Variants in TMEM132D observed in about 807,000 individuals in gnomAD.
TMEM132D encodes mature OL transmembrane protein.
A neutral mutation model predicts 62.3 loss-of-function variants in TMEM132D; 21 were observed. That is an observed-to-expected ratio of 0.34 (90% CI 0.24 to 0.49). The LOEUF (loss-of-function observed/expected upper bound fraction) is 0.49, where lower values mean the gene tolerates loss of function less well. Ranked by LOEUF, TMEM132D falls within the 20% of genes least tolerant of loss-of-function variation. The pLI, the probability that TMEM132D is intolerant of heterozygous loss-of-function variation, is 0.99. For synonymous variants in TMEM132D, 621 were observed against 575.6 expected (o/e 1.08, Z -1.13); for missense variants, 1,346 against 1,402.8 (o/e 0.96, Z 0.65).
chr12:129,668,560 C>T (rs7306561), intron 2 of TMEM132D, among the ~76,000 whole-genome samples: 35,473 of 151,820 alleles, frequency 0.23, 4,478 homozygotes, highest in African/African-American at 0.32. Flanking sequence ...GTGTTAAACA[C>T]TGCTAAACCT....
In TMEM132D at chr12:129,739,123, T is replaced by C. The variant is rs569250036; in HGVS notation, c.80-38425A>G. ...AAAGGAACAGGACTGGCCTCTGCCC[T>C]AGCCCAGCTCACTCTTAGGCGGTAT... On this transcript the variant is annotated intron_variant, in intron 1 of 8. Transcript: ENST00000422113. 2.0e-5 allele frequency among the ~76,000 whole-genome samples: 3 copies of C among 152,306 alleles called. 1 individual carries two copies. The highest frequency in any genetic ancestry group is 7.2e-5 in the African/African-American group (3 of 41,588).
intron 4 of TMEM132D, among the ~76,000 whole-genome samples, chr12:129,249,315 C>G (rs543819318): frequency 6.6e-6 from 1 of 152,312 alleles, no homozygotes; most frequent in East Asian, 1.9e-4. Context: ...TCATGAGCTC[C>G]CATCCTCCTT....
chr12:129,807,040 T>C (rs958499044), intron 1 of TMEM132D, among the ~76,000 whole-genome samples: 2 of 151,938 alleles, frequency 1.3e-5, no homozygotes, highest in African/African-American at 4.8e-5. Context: ...TCTAAATAAA[T>C]GAATGAATGA....
intron 1 of TMEM132D, among the ~76,000 whole-genome samples, chr12:129,775,851 A>C (rs919171519): frequency 2.0e-5 from 3 of 152,218 alleles, no homozygotes; most frequent in Admixed American, 2.0e-4. Context: ...AAATATAATT[A>C]TCTATTCATT....
At chr12:129,816,229 T>C (rs573687768) in intron 1 of TMEM132D, among the ~76,000 whole-genome samples, 2 of 152,244 alleles carry the variant, frequency 1.3e-5, no homozygotes, top group Non-Finnish European at 2.9e-5. Context: ...TAGAAAATGA[T>C]GTCAGTCAGA....
intron 5 of TMEM132D, chr12:129,113,368 C>A: frequency 6.6e-6 from 1 of 152,158 alleles, no homozygotes; most frequent in East Asian, 1.9e-4. Context: ...TGGTGTTCAA[C>A]AACACTCCCA....
At position 129,716,043 on chromosome 12, in the gene TMEM132D, G is replaced by A. The variant is rs1291051930; in HGVS notation, c.80-15345C>T. ...CCTCTGAAAAACTGGACCAATAGGC[G>A]TCCAGGTAGAAAGCGGTAGATAAAT... On this transcript the variant is annotated intron_variant, in intron 1 of 8. Coordinates refer to ENST00000422113, the MANE Select transcript of TMEM132D (RefSeq NM_133448.3). Among the ~76,000 whole-genome samples, 8 of 152,312 alleles carry A rather than the reference G, an allele frequency of 5.3e-5. 1 individual carries two copies. In the South Asian group the frequency reaches 6.2e-4, roughly 12 times the overall value.
intron 1 of TMEM132D, among the ~76,000 whole-genome samples, chr12:129,820,426 G>A (rs1872513287): frequency 6.6e-6 from 1 of 152,158 alleles, no homozygotes; most frequent in South Asian, 2.1e-4. Context: ...ACAAGCCCAG[G>A]TCTTCTGATG....
chr12:129,488,533 G>A (rs1874658248), intron 3 of TMEM132D, among the ~76,000 whole-genome samples: 1 of 152,108 alleles, frequency 6.6e-6, no homozygotes, highest in South Asian at 2.1e-4. Flanking sequence ...AAATAGCTGG[G>A]TGTGGTGGCA....
chr12:129,649,862 ATGTATG>A (rs1368919843), intron 2 of TMEM132D, among the ~76,000 whole-genome samples: 2 of 110,290 alleles, frequency 1.8e-5, no homozygotes, highest in African/African-American at 2.6e-5. Context: ...GTATATGTGT[ATGTATG>A]TGTGTGCATG....
At chr12:129,263,798 C>T (rs948905876) in intron 4 of TMEM132D, among the ~76,000 whole-genome samples, 1 of 152,006 alleles carries the variant, frequency 6.6e-6, no homozygotes, top group Non-Finnish European at 1.5e-5. Flanking sequence ...CAGAAAGACA[C>T]CTGCAGTCAG....
rs1354932185 is a variant in TMEM132D, at chr12:129,827,409, C to A, written c.79+75852G>T. On this transcript the variant is annotated intron_variant, in intron 1 of 8. Coordinates refer to ENST00000422113, the MANE Select transcript of TMEM132D (RefSeq NM_133448.3). The surrounding 1 kb of genome is among the most constrained non-coding windows in gnomAD (Gnocchi z 9.7). ...GGCTAAAAACTGTAAGCAGCTGAAC[C>A]AAAACAGGCTTTCTTCTCCCTTCCA... is the stretch of plus-strand genomic sequence containing the variant. 1.3e-5 allele frequency among the ~76,000 whole-genome samples: 2 copies of A among 152,132 alleles called. No homozygotes were observed. The highest frequency in any genetic ancestry group is 2.1e-4 in the South Asian group (1 of 4,822).
intron 3 of TMEM132D, among the ~76,000 whole-genome samples, chr12:129,386,134 C>T (rs1168502785): frequency 6.6e-6 from 1 of 152,160 alleles, no homozygotes; most frequent in Non-Finnish European, 1.5e-5. Flanking sequence ...CTCATGTTAA[C>T]ATCAGGATAT....
intron 5 of TMEM132D, among the ~76,000 whole-genome samples, chr12:129,169,415 G>C (rs990980571): frequency 6.6e-6 from 1 of 152,226 alleles, no homozygotes; most frequent in African/African-American, 2.4e-5. Flanking sequence ...TGAGGACTGA[G>C]TCAAAGGAAT....
chr12:129,358,731 G>A (rs1232199465), intron 3 of TMEM132D, among the ~76,000 whole-genome samples: 1 of 152,182 alleles, frequency 6.6e-6, no homozygotes, highest in Non-Finnish European at 1.5e-5. Context: ...GCCAAGGACA[G>A]TTTCTCAGAG....
At chr12:129,679,140 T>TG (rs1880716944) in intron 2 of TMEM132D, among the ~76,000 whole-genome samples, 2 of 151,886 alleles carry the variant, frequency 1.3e-5, no homozygotes, top group African/African-American at 4.8e-5. Context: ...TAGTTTTTTT[T>TG]TTTGTTGTTG....
At chr12:129,252,958 C>T (rs1266951997) in intron 4 of TMEM132D, among the ~76,000 whole-genome samples, 25 of 147,792 alleles carry the variant, frequency 1.7e-4, no homozygotes, top group Admixed American at 4.9e-4. Context: ...AACCAAACAC[C>T]GCAAGTTCTC....
intron 3 of TMEM132D, among the ~76,000 whole-genome samples, chr12:129,525,253 TTTGCTAATATAA>T (rs1875994214): frequency 7.3e-6 from 1 of 136,442 alleles, no homozygotes; most frequent in African/African-American, 2.7e-5. Context: ...TTTTTTTTTT[TTTGCTAATATAA>T]TTAATAGAAA....
chr12:129,722,268 C>CG (rs1164920012), intron 1 of TMEM132D, among the ~76,000 whole-genome samples: 2 of 152,180 alleles, frequency 1.3e-5, no homozygotes, highest in Non-Finnish European at 2.9e-5. Context: ...AGAACCTATC[C>CG]GGGTTGGGCC....
Sources: gnomAD v4.1 joint callset for allele counts (sites outside exome capture counted in the v4.1 genomes callset) on GRCh38, gnomAD v4.1.1 for gene constraint, Gnocchi (gnomAD v3.1) non-coding constraint, MANE v1.5 for transcripts, NCBI Gene and HGNC (gene_info 2026-07-23, HGNC 2026-07-21) for gene names.